Variants in COL28A1 observed in about 807,000 individuals in gnomAD.
The protein encoded by COL28A1 is collagen type XXVIII alpha 1 chain, also known as collagen alpha-1(XXVIII) chain.
COL28A1 carries 161 observed loss-of-function variants against 150.2 expected under a neutral mutation model. The observed-to-expected ratio is 1.07, with a 90% confidence interval of 0.94 to 1.22. The LOEUF (loss-of-function observed/expected upper bound fraction) is 1.22, where lower values mean the gene tolerates loss of function less well. COL28A1 is among the 50% of genes most tolerant of loss of function. The pLI, the probability that COL28A1 is intolerant of heterozygous loss-of-function variation, is 0.00. For missense variants in COL28A1, 1,617 were observed against 1,388.3 expected, an observed-to-expected ratio of 1.16 and a Z score of -2.62; for synonymous variants, 552 against 469.7, an observed-to-expected ratio of 1.18 and a Z score of -2.26.
chr7:7,438,721 A>G (rs1785532332), intron 21 of COL28A1, among the ~76,000 whole-genome samples: 1 of 152,224 alleles, frequency 6.6e-6, no homozygotes. Flanking sequence ...TTACAATTAA[A>G]AAATTAAAAA....
chr7:7,430,862 C>G (rs1463970105), intron 25 of COL28A1, among the ~76,000 whole-genome samples: 1 of 152,166 alleles, frequency 6.6e-6, no homozygotes, highest in African/African-American at 2.4e-5. Flanking sequence ...ATTCAAGGAT[C>G]TGATGTAGTC....
rs1404059965 is a variant in COL28A1 at position 7,373,926 on chromosome 7, C to G, written c.2360-380G>C. 2.7e-5 allele frequency among the ~76,000 whole-genome samples: 4 copies of G among 150,746 alleles called. No homozygotes were observed. On this transcript the variant is annotated intron_variant, in intron 31 of 34. Transcript: ENST00000399429. The surrounding 1 kb of genome is among the most constrained non-coding windows in gnomAD (Gnocchi z 4.1). Reference sequence around the variant, plus strand: ...GTGTTAGCCAAGATGGTCTCGATCTCCTGACCTCGTGATATGCCCGCCTCG... The same window carrying G: ...GTGTTAGCCAAGATGGTCTCGATCTGCTGACCTCGTGATATGCCCGCCTCG...
chr7:7,472,177 TC>T (rs1315794564), intron 15 of COL28A1, among the ~76,000 whole-genome samples: 1 of 151,946 alleles, frequency 6.6e-6, no homozygotes, highest in Admixed American at 6.6e-5. Context: ...GCCAGAGCAA[TC>T]AGATAAGAGA....
In COL28A1 at chr7:7,358,786, G is replaced by C; in HGVS notation, c.3225C>G (p.Ala1075=). The C allele has an allele frequency of 6.2e-7, 1 of 1,613,734 alleles. No individual in the cohort carries two copies. Among genetic ancestry groups the C allele is most frequent in the Non-Finnish European group, 8.5e-7 (1 of 1,179,818 alleles). Residue 1075 remains alanine, a synonymous_variant, in exon 35 of 35, where the codon GCC becomes GCG. Coordinates refer to ENST00000399429, the MANE Select transcript of COL28A1 (RefSeq NM_001037763.3). ...ATTCACCACAGTTTCCAGGCTTCAA[G>C]GCTTCCAAACATCTAGGATCTAGAG... ...DGAEDPRCLE[A]LKPGNCGEYV... is the part of the protein sequence containing the mutation.
Position 7,411,232 on chromosome 7 carries a change from C to G in COL28A1, c.2136+6627G>C, listed in dbSNP as rs118114218. ...TTACTGTGGCACAACTGAGACAAACCAAAAGAAATCTTCCTAAGAAATGAC... is the reference window on the plus strand; with the variant it reads ...TTACTGTGGCACAACTGAGACAAACGAAAAGAAATCTTCCTAAGAAATGAC... On this transcript the variant is annotated intron_variant, in intron 27 of 34. Transcript: ENST00000399429. 2.9e-3 allele frequency among the ~76,000 whole-genome samples: 437 copies of G among 152,248 alleles called. 1 individual carries two copies. Among genetic ancestry groups the G allele is most frequent in the Admixed American group, 6.7e-3 (102 of 15,282 alleles).
At chr7:7,421,605 T>C (rs1297558669) in intron 25 of COL28A1, among the ~76,000 whole-genome samples, 1 of 152,176 alleles carries the variant, frequency 6.6e-6, no homozygotes, top group Non-Finnish European at 1.5e-5. Context: ...GCAAAAACCA[T>C]AAATTACAAG....
At chr7:7,350,353 G>A in the COL28A1 span, among the ~76,000 whole-genome samples, 1 of 152,106 alleles carries the variant, frequency 6.6e-6, no homozygotes, top group Non-Finnish European at 1.5e-5. Context: ...AGGGACTCCT[G>A]GTGTACAGTG....
chr7:7,429,567 A>C (rs1263368697), intron 25 of COL28A1, among the ~76,000 whole-genome samples: 2 of 152,124 alleles, frequency 1.3e-5, no homozygotes, highest in African/African-American at 4.8e-5. Context: ...CCCTGTAAAA[A>C]AGGAGAGATG....
intron 33 of COL28A1, among the ~76,000 whole-genome samples, chr7:7,362,522 C>T (rs1780722701): frequency 6.6e-6 from 1 of 152,268 alleles, no homozygotes; most frequent in East Asian, 1.9e-4. Context: ...CATACATACA[C>T]ACACAAGAGG....
intron 15 of COL28A1, among the ~76,000 whole-genome samples, chr7:7,459,848 G>A (rs1217881710): frequency 2.0e-5 from 3 of 152,196 alleles, no homozygotes; most frequent in African/African-American, 7.2e-5. Context: ...TGACTGTGAT[G>A]GACCAAGATG....
chr7:7,421,206 A>T (rs1387626035), intron 25 of COL28A1, among the ~76,000 whole-genome samples: 2 of 152,212 alleles, frequency 1.3e-5, no homozygotes, highest in Non-Finnish European at 2.9e-5. Context: ...CTGATGAAAG[A>T]AGCCAGATAT....
chr7:7,377,140 C>T (rs1459716445), intron 30 of COL28A1, among the ~76,000 whole-genome samples: 1 of 152,102 alleles, frequency 6.6e-6, no homozygotes, highest in Non-Finnish European at 1.5e-5. Flanking sequence ...GCTTTTTATT[C>T]ACTTATAAGA....
chr7:7,508,331 T>A (rs1397648630), intron 9 of COL28A1, among the ~76,000 whole-genome samples: 1 of 152,238 alleles, frequency 6.6e-6, no homozygotes, highest in Non-Finnish European at 1.5e-5. Flanking sequence ...TTTACTCATT[T>A]CCCTAGCTTT....
At chr7:7,381,149 G>A (rs779407716) in intron 28 of COL28A1, among the ~76,000 whole-genome samples, 9 of 152,016 alleles carry the variant, frequency 5.9e-5, no homozygotes, top group Admixed American at 1.3e-4. Flanking sequence ...ACAATTTACC[G>A]GGTACCTGAG....
chr7:7,461,070 C>T (rs1787579869), intron 15 of COL28A1, among the ~76,000 whole-genome samples: 1 of 152,182 alleles, frequency 6.6e-6, no homozygotes, highest in Admixed American at 6.5e-5. Context: ...TGGGAGACAT[C>T]CCAAATATTG....
chr7:7,362,087 G>C (rs1371642367), intron 33 of COL28A1, among the ~76,000 whole-genome samples: 2 of 152,114 alleles, frequency 1.3e-5, no homozygotes, highest in Non-Finnish European at 2.9e-5. Context: ...GTAGATTACA[G>C]GTTGATGGGT....
chr7:7,474,569 T>C (rs753606499), intron 15 of COL28A1, 32 bp downstream of exon 15: 1 of 899,184 alleles, frequency 1.1e-6, no homozygotes, highest in South Asian at 1.4e-5. Context: ...TTTATTGGCA[T>C]TGTTTCCAGT....
intron 18 of COL28A1, among the ~76,000 whole-genome samples, chr7:7,445,514 G>A (rs918754950): frequency 6.6e-6 from 1 of 152,136 alleles, no homozygotes; most frequent in African/African-American, 2.4e-5. Flanking sequence ...TCTTACATCA[G>A]CTCTAGAAAA....
intron 4 of COL28A1, among the ~76,000 whole-genome samples, chr7:7,522,772 A>G (rs1781796529): frequency 1.4e-5 from 2 of 145,622 alleles, no homozygotes; most frequent in African/African-American, 5.1e-5. Context: ...TGGGCCACGC[A>G]TAAAATACAC....
Sources: allele counts gnomAD v4.1 joint callset (sites outside exome capture counted in the v4.1 genomes callset), GRCh38; gene constraint gnomAD v4.1.1; non-coding constraint Gnocchi (gnomAD v3.1); transcripts MANE v1.5; gene names NCBI Gene and HGNC (gene_info 2026-07-23, HGNC 2026-07-21).